Variants in GNAI1 observed in about 807,000 individuals in gnomAD.
GNAI1 encodes G protein subunit alpha i1.
In GNAI1, 11 loss-of-function variants were observed where a neutral mutation model predicts 38.9. The ratio of observed to expected loss-of-function variants is 0.28; its 90% confidence interval spans 0.18 to 0.47. The LOEUF is 0.47. Ranked by LOEUF, GNAI1 falls within the 20% of genes least tolerant of loss-of-function variation. The pLI, the probability that GNAI1 is intolerant of heterozygous loss-of-function variation, is 0.99. For synonymous variants in GNAI1, 166 were observed against 145.1 expected, an observed-to-expected ratio of 1.14 and a Z score of -1.04; for missense variants, 317 against 436.9, an observed-to-expected ratio of 0.73 and a Z score of 2.45.
chr7:80,158,431 T>C (rs1215138847), intron 1 of GNAI1, among the ~76,000 whole-genome samples: 1 of 152,204 alleles, frequency 6.6e-6, no homozygotes, highest in African/African-American at 2.4e-5. Context: ...GTTCCCATAA[T>C]CTTCACGTGG....
chr7:80,214,015 G>GCGC (rs1788917746), intron 7 of GNAI1, among the ~76,000 whole-genome samples: 1 of 152,050 alleles, frequency 6.6e-6, no homozygotes, highest in South Asian at 2.1e-4. Context: ...GAATACCGGG[G>GCGC]CTTCCTGAAG....
chr7:80,149,934 G>T (rs189838909), intron 1 of GNAI1, among the ~76,000 whole-genome samples: 25 of 152,204 alleles, frequency 1.6e-4, no homozygotes, highest in Middle Eastern at 3.4e-3. Flanking sequence ...ATTAATTCAC[G>T]TTAGCATTGA....
intron 5 of GNAI1, 124 bp downstream of exon 5, chr7:80,203,956 C>T: frequency 3.6e-6 from 2 of 549,768 alleles, no homozygotes; most frequent in South Asian, 6.2e-5. Flanking sequence ...AAAAAACTTT[C>T]TTCAGATGAT....
chr7:80,210,165 C>T (rs1433369620), intron 5 of GNAI1, among the ~76,000 whole-genome samples: 1 of 152,042 alleles, frequency 6.6e-6, no homozygotes, highest in African/African-American at 2.4e-5. Context: ...ATAATGTAGT[C>T]TATGCAAATT....
chr7:80,146,963 G>A (rs1787633648), intron 1 of GNAI1, among the ~76,000 whole-genome samples: 1 of 152,108 alleles, frequency 6.6e-6, no homozygotes, highest in Non-Finnish European at 1.5e-5. Context: ...CTAGAAACTT[G>A]TTTTAGTAGT....
intron 1 of GNAI1, among the ~76,000 whole-genome samples, chr7:80,174,699 T>C (rs1459115150): frequency 6.6e-6 from 1 of 152,152 alleles, no homozygotes; most frequent in East Asian, 1.9e-4. Flanking sequence ...TTTTAAAAAA[T>C]TTGTCAGCGT....
At chr7:80,161,874 C>CA (rs1787929443) in intron 1 of GNAI1, among the ~76,000 whole-genome samples, 1 of 152,124 alleles carries the variant, frequency 6.6e-6, no homozygotes, top group Non-Finnish European at 1.5e-5. Context: ...GAAAGATGCT[C>CA]AGTTTTTTAT....
In GNAI1 at chr7:80,223,762, C is replaced by A. The variant is rs1002314565; in HGVS notation, c.*6269C>A. ...AGTGACCAATTGTCCTAGCAATCTA[C>A]TTCACAAGGCAATTTACCTGTAATA... On this transcript the variant is annotated 3_prime_UTR_variant, in exon 8 of 8. Coordinates refer to ENST00000649796, the MANE Select transcript of GNAI1 (RefSeq NM_002069.6). Among the ~76,000 whole-genome samples, 1 of 152,144 alleles carries A rather than the reference C, an allele frequency of 6.6e-6. No individual in the cohort carries two copies. The highest frequency in any genetic ancestry group is 1.5e-5 in the Non-Finnish European group (1 of 68,032).
At chr7:80,142,059 C>A (rs1225826724) in intron 1 of GNAI1, among the ~76,000 whole-genome samples, 1 of 152,176 alleles carries the variant, frequency 6.6e-6, no homozygotes, top group African/African-American at 2.4e-5. Context: ...CTTCTCACTT[C>A]GTTCTGAGCC....
chr7:80,203,103 C>T (rs1403599910), intron 4 of GNAI1, among the ~76,000 whole-genome samples: 3 of 152,170 alleles, frequency 2.0e-5, no homozygotes, highest in Non-Finnish European at 2.9e-5. Context: ...TATATCACAA[C>T]ATATGTAGCA....
Position 80,224,745 on chromosome 7 carries a change from C to G in GNAI1, c.*7252C>G, listed in dbSNP as rs952043509. On this transcript the variant is annotated 3_prime_UTR_variant, in exon 8 of 8. Transcript: ENST00000649796. ...ACTACCCAGGTGTGAATGCAGAGCA[C>G]TTAAAACGTAGCTAGTCCAAAGTGA... Among the ~76,000 whole-genome samples, 19 of 152,140 alleles carry G rather than the reference C, an allele frequency of 1.2e-4. No individual in the cohort carries two copies. The highest frequency in any genetic ancestry group is 3.4e-4 in the African/African-American group (14 of 41,438).
chr7:80,156,571 G>C (rs1787822029), intron 1 of GNAI1, among the ~76,000 whole-genome samples: 1 of 151,998 alleles, frequency 6.6e-6, no homozygotes, highest in African/African-American at 2.4e-5. Flanking sequence ...TGGGACTGCA[G>C]GTACATGCCA....
intron 1 of GNAI1, among the ~76,000 whole-genome samples, chr7:80,149,608 T>C (rs1360646697): frequency 2.0e-5 from 3 of 152,092 alleles, no homozygotes; most frequent in Non-Finnish European, 4.4e-5. Flanking sequence ...GACTATATAC[T>C]CTAAAGAAGT....
At chr7:80,217,214 T>C in intron 7 of GNAI1, 89 bp from the exon 8 acceptor site, 1 of 828,964 alleles carries the variant, frequency 1.2e-6, no homozygotes, top group Non-Finnish European at 1.8e-6. Context: ...GAAACTGACT[T>C]CAGTTTCATA....
At chr7:80,139,152 C>A (rs901144799) in intron 1 of GNAI1, among the ~76,000 whole-genome samples, 3 of 149,814 alleles carry the variant, frequency 2.0e-5, no homozygotes, top group Non-Finnish European at 3.0e-5. Context: ...GTATTAGTTA[C>A]TTTAGTAAGA....
intron 1 of GNAI1, among the ~76,000 whole-genome samples, chr7:80,150,409 A>G (rs901357556): frequency 2.0e-5 from 3 of 152,250 alleles, no homozygotes; most frequent in Non-Finnish European, 4.4e-5. Flanking sequence ...ATAAATCTCA[A>G]TAACAATGCT....
At position 80,218,808 on chromosome 7, in the gene GNAI1, T is replaced by A. The variant is rs1789020820; in HGVS notation, c.*1315T>A. The stretch of plus-strand genomic sequence containing the variant: ...AATAAGTCAGTGATTATATGTGTGC[T>A]CAAATAAGTGTTATGTATCAGCTAG... On this transcript the variant is annotated 3_prime_UTR_variant, in exon 8 of 8. Coordinates refer to ENST00000649796, the MANE Select transcript of GNAI1 (RefSeq NM_002069.6). 1 of 152,184 alleles carries A rather than the reference T, an allele frequency of 6.6e-6. No homozygotes were observed. The allele number at this position is 152,184 out of a possible 1,614,324, so 9.4% of individuals were successfully genotyped here. A position where few individuals can be genotyped will look rare whatever the true frequency, so the allele number is the denominator to read the frequency against.
chr7:80,190,687 A>G (rs1460769815), intron 3 of GNAI1, among the ~76,000 whole-genome samples: 1 of 152,122 alleles, frequency 6.6e-6, no homozygotes, highest in Non-Finnish European at 1.5e-5. Flanking sequence ...CCTTACACCA[A>G]TTCTAATTAT....
At chr7:80,193,220 C>A (rs1235576909) in intron 3 of GNAI1, among the ~76,000 whole-genome samples, 3 of 152,090 alleles carry the variant, frequency 2.0e-5, no homozygotes, top group African/African-American at 4.8e-5. Flanking sequence ...CCCCACAACC[C>A]TGTTGAAACA....
Sources: gnomAD v4.1 joint callset for allele counts (sites outside exome capture counted in the v4.1 genomes callset) on GRCh38, gnomAD v4.1.1 for gene constraint, MANE v1.5 for transcripts, NCBI Gene and HGNC (gene_info 2026-07-23, HGNC 2026-07-21) for gene names.